SLC24A3: variants seen among roughly 807,000 people sequenced by gnomAD.
SLC24A3 encodes the protein solute carrier family 24 member 3.
In SLC24A3, 28 loss-of-function variants were observed where a neutral mutation model predicts 75.8. That is an observed-to-expected ratio of 0.37 (90% CI 0.27 to 0.51). SLC24A3 has a LOEUF of 0.51. Ranked by LOEUF, SLC24A3 falls within the 20% of genes least tolerant of loss-of-function variation. The pLI, the probability that SLC24A3 is intolerant of heterozygous loss-of-function variation, is 0.94. For missense variants in SLC24A3, 663 were observed against 847.8 expected, an observed-to-expected ratio of 0.78 and a Z score of 2.71; for synonymous variants, 372 against 334.1, an observed-to-expected ratio of 1.11 and a Z score of -1.24.
intron 9 of SLC24A3, among the ~76,000 whole-genome samples, chr20:19,678,980 G>A (rs2032573584): frequency 6.6e-6 from 1 of 151,122 alleles, no homozygotes; most frequent in Admixed American, 6.6e-5. Flanking sequence ...CTTCCTAGAT[G>A]GGATGGCGGC....
intron 2 of SLC24A3, among the ~76,000 whole-genome samples, chr20:19,376,821 C>A (rs1025562690): frequency 6.6e-6 from 1 of 152,174 alleles, no homozygotes; most frequent in African/African-American, 2.4e-5. Flanking sequence ...AAAAGTCCTG[C>A]AGGCGAGTGG....
chr20:19,438,943 G>A (rs1341532030), intron 2 of SLC24A3, among the ~76,000 whole-genome samples: 1 of 152,244 alleles, frequency 6.6e-6, no homozygotes, highest in Non-Finnish European at 1.5e-5. Context: ...ACTGCCTGAG[G>A]CACTGTAAAT....
intron 6 of SLC24A3, among the ~76,000 whole-genome samples, chr20:19,639,031 C>T (rs199558941): frequency 5.9e-5 from 9 of 152,254 alleles, no homozygotes; most frequent in South Asian, 4.2e-4. Flanking sequence ...CTGCTGGCTC[C>T]GGCAGCCTGC....
At chr20:19,645,956 G>A (rs1386566349) in intron 6 of SLC24A3, among the ~76,000 whole-genome samples, 1 of 152,164 alleles carries the variant, frequency 6.6e-6, no homozygotes, top group Admixed American at 6.5e-5. Flanking sequence ...CTGGGAGACT[G>A]AGATGGGAGG....
chr20:19,323,028 A>G (rs1984749583), intron 2 of SLC24A3, among the ~76,000 whole-genome samples: 1 of 151,750 alleles, frequency 6.6e-6, no homozygotes. Context: ...AACACGGTGA[A>G]ACCCCGTCTC....
intron 2 of SLC24A3, among the ~76,000 whole-genome samples, chr20:19,493,306 T>C (rs1341882663): frequency 6.6e-6 from 1 of 152,216 alleles, no homozygotes; most frequent in Non-Finnish European, 1.5e-5. Flanking sequence ...ACCTTGGAAG[T>C]TGGTCTAGGA....
intron 1 of SLC24A3, among the ~76,000 whole-genome samples, chr20:19,243,523 C>T (rs974252464): frequency 5.9e-5 from 9 of 152,190 alleles, no homozygotes; most frequent in African/African-American, 2.2e-4. Context: ...TCTATCTTGT[C>T]TGTCTTTCTA....
chr20:19,713,216 T>C (rs2033008711), intron 15 of SLC24A3, among the ~76,000 whole-genome samples: 1 of 152,220 alleles, frequency 6.6e-6, no homozygotes, highest in African/African-American at 2.4e-5. Flanking sequence ...TACTTTGAAG[T>C]TCCCACAAGC....
chr20:19,217,394 T>A (rs1383297486), intron 1 of SLC24A3, among the ~76,000 whole-genome samples: 2 of 152,192 alleles, frequency 1.3e-5, no homozygotes, highest in Non-Finnish European at 1.5e-5. Context: ...CCAAGGTGGC[T>A]AAGGTGAATG....
intron 10 of SLC24A3, among the ~76,000 whole-genome samples, chr20:19,683,527 C>T (rs2032637990): frequency 6.6e-6 from 1 of 152,246 alleles, no homozygotes; most frequent in Non-Finnish European, 1.5e-5. Flanking sequence ...TCACCCAACA[C>T]TTGTCAGCTC....
intron 1 of SLC24A3, among the ~76,000 whole-genome samples, chr20:19,238,880 G>A (rs1982246672): frequency 6.6e-6 from 1 of 151,762 alleles, no homozygotes; most frequent in Non-Finnish European, 1.5e-5. Context: ...TCCTCCTCCT[G>A]TCCTTCTCTT....
intron 2 of SLC24A3, among the ~76,000 whole-genome samples, chr20:19,349,992 C>T (rs535319430): frequency 1.3e-5 from 2 of 152,250 alleles, no homozygotes; most frequent in South Asian, 4.2e-4. Flanking sequence ...CGTGTCCAAC[C>T]AGGGACCCAG....
Position 19,318,748 on chromosome 20 carries a change from G to A in SLC24A3, c.271+37661G>A, listed in dbSNP as rs558356677. On this transcript the variant is annotated intron_variant, in intron 2 of 16. Coordinates refer to ENST00000328041, the MANE Select transcript of SLC24A3 (RefSeq NM_020689.4). ...GAAAAGACAGCACAAGGACACGTGG[G>A]ATGCTCTTCAGGGCTGGAAGAGAGG... 9.7e-4 allele frequency among the ~76,000 whole-genome samples: 148 copies of A among 152,222 alleles called. No homozygotes were observed. The East Asian group carries it at 0.012, about 13-fold the overall frequency.
chr20:19,301,223 T>C (rs1229052831), intron 2 of SLC24A3, among the ~76,000 whole-genome samples: 1 of 152,030 alleles, frequency 6.6e-6, no homozygotes, highest in Non-Finnish European at 1.5e-5. Context: ...TGGGGAGAAA[T>C]GTGAAAATGC....
chr20:19,465,790 T>C (rs1003353150), intron 2 of SLC24A3, among the ~76,000 whole-genome samples: 3 of 152,180 alleles, frequency 2.0e-5, no homozygotes, highest in African/African-American at 7.2e-5. Flanking sequence ...CACGCTACTT[T>C]CTCTGGGCTT....
At chr20:19,647,630 C>T (rs2032154883) in intron 6 of SLC24A3, among the ~76,000 whole-genome samples, 1 of 152,168 alleles carries the variant, frequency 6.6e-6, no homozygotes, top group Non-Finnish European at 1.5e-5. Flanking sequence ...CTCTGAACTA[C>T]CAAATTTTGA....
chr20:19,435,922 C>T (rs1600480460), intron 2 of SLC24A3, among the ~76,000 whole-genome samples: 1 of 152,152 alleles, frequency 6.6e-6, no homozygotes, highest in South Asian at 2.1e-4. Context: ...TTTCTTGTCT[C>T]TTGGGTCTGC....
intron 2 of SLC24A3, among the ~76,000 whole-genome samples, chr20:19,327,045 A>C (rs1026823620): frequency 3.3e-5 from 5 of 152,106 alleles, no homozygotes; most frequent in African/African-American, 1.2e-4. Flanking sequence ...ATTTAATTTA[A>C]CTTTTTTATT....
At chr20:19,241,888 G>C (rs1052542260) in intron 1 of SLC24A3, among the ~76,000 whole-genome samples, 1 of 152,206 alleles carries the variant, frequency 6.6e-6, no homozygotes, top group Non-Finnish European at 1.5e-5. Context: ...TCTGGGAAAA[G>C]GGTGCTGAGA....
Sources: allele counts gnomAD v4.1 joint callset (sites outside exome capture counted in the v4.1 genomes callset), GRCh38; gene constraint gnomAD v4.1.1; transcripts MANE v1.5; gene names NCBI Gene and HGNC (gene_info 2026-07-23, HGNC 2026-07-21).